Variants in DGCR2 observed in about 807,000 individuals in gnomAD.
The protein encoded by DGCR2 is integral membrane protein DGCR2/IDD.
Under a neutral mutation model 51.6 loss-of-function variants are expected in DGCR2, and 24 were observed. The ratio of observed to expected loss-of-function variants is 0.47; its 90% CI spans 0.34 to 0.65. The LOEUF (loss-of-function observed/expected upper bound fraction) is 0.65, where lower values mean the gene tolerates loss of function less well. DGCR2 is among the 30% of genes least tolerant of loss of function. The probability of loss-of-function intolerance (pLI) is 0.01; values close to 1 mark genes in which losing one functional copy is unlikely to be tolerated. For missense variants in DGCR2, 765 were observed against 772.1 expected (o/e 0.99, Z 0.11); for synonymous variants, 340 against 315.4 (o/e 1.08, Z -0.82).
chr22:19,089,058 C>A (rs1246129852), intron 2 of DGCR2, among the ~76,000 whole-genome samples: 1 of 152,074 alleles, frequency 6.6e-6, no homozygotes, highest in African/African-American at 2.4e-5. Flanking sequence ...GCCAAGGTGC[C>A]ACCCCTCAGG....
At chr22:19,054,741 TAAAA>T (rs56262911) in intron 6 of DGCR2, among the ~76,000 whole-genome samples, 1,745 of 139,876 alleles carry the variant, frequency 0.012, 19 homozygotes, top group Non-Finnish European at 0.017. Flanking sequence ...TGCCCCACCT[TAAAA>T]AAAAAAAAAA....
At chr22:19,089,893 T>C (rs1474711043) in intron 1 of DGCR2, among the ~76,000 whole-genome samples, 1 of 152,234 alleles carries the variant, frequency 6.6e-6, no homozygotes, top group East Asian at 1.9e-4. Context: ...CATCTGTTTT[T>C]AAAATCAGGT....
rs138189232 is a variant in DGCR2 at position 19,047,963 on chromosome 22, G to A, written c.1006+477C>T. The A allele has an allele frequency of 6.9e-5, 13 of 188,020 alleles. No homozygotes were observed. The East Asian group carries it at 1.7e-3, about 25-fold the overall frequency. The allele number at this position is 188,020 out of a possible 1,614,324, so 11.6% of individuals were successfully genotyped here. Reference sequence around the variant, plus strand: ...TCCCAGCACTTTGGGAAGCTGAGGTGGGTGGATCACTCGAGGCCAGGAGTT... The same window carrying A: ...TCCCAGCACTTTGGGAAGCTGAGGTAGGTGGATCACTCGAGGCCAGGAGTT... On this transcript the variant is annotated intron_variant, in intron 7 of 9. Transcript: ENST00000263196.
At chr22:19,100,664 T>TAAAA (rs34517547) in intron 1 of DGCR2, among the ~76,000 whole-genome samples, 3 of 144,760 alleles carry the variant, frequency 2.1e-5, no homozygotes, top group Non-Finnish European at 3.0e-5. Flanking sequence ...AGACTCCGTT[T>TAAAA]AAAAAAAAAA....
At chr22:19,104,265 T>C (rs2083238254) in intron 1 of DGCR2, among the ~76,000 whole-genome samples, 2 of 152,186 alleles carry the variant, frequency 1.3e-5, no homozygotes, top group South Asian at 4.1e-4. Context: ...TGCTTTGGGC[T>C]ATGCAACGCC....
rs752573341 is a variant in DGCR2 at position 19,041,277 on chromosome 22, C to G, written c.1177G>C (p.Gly393Arg). 1 of 1,613,940 alleles carries G rather than the reference C, an allele frequency of 6.2e-7. No individual in the cohort carries two copies. Among genetic ancestry groups the G allele is most frequent in the African/African-American group, 1.3e-5 (1 of 74,932 alleles). Residue 393 changes from glycine (G) to arginine (R), a missense_variant, in exon 9 of 10, where the codon GGC (glycine) becomes CGC (arginine). Gly to Arg is a moderately radical substitution (Grantham distance 125). This residue lies in a region of DGCR2 where 190 missense variants were observed against 265.2 expected (regional missense o/e 0.72). Coordinates refer to ENST00000263196, the MANE Select transcript of DGCR2 (RefSeq NM_005137.3). ...TAATCAAAGCCAGGGATCCTGCGGC[C>G]GAGGTTGAAGTGGTGCACTGGGCCA... ...IGANLHHFNL[G>R]RRIPGFDYGP...
At chr22:19,071,201 C>T (rs1438829916) in intron 2 of DGCR2, among the ~76,000 whole-genome samples, 1 of 152,192 alleles carries the variant, frequency 6.6e-6, no homozygotes, top group Non-Finnish European at 1.5e-5. Context: ...CTGTGCAGCT[C>T]GGAGCACATG....
intron 1 of DGCR2, among the ~76,000 whole-genome samples, chr22:19,097,240 T>C (rs1030967312): frequency 1.3e-5 from 2 of 152,008 alleles, no homozygotes; most frequent in Admixed American, 6.6e-5. Flanking sequence ...TAAACCTATA[T>C]ATATATATAC....
chr22:19,059,890 G>A (rs113450749), intron 5 of DGCR2, among the ~76,000 whole-genome samples: 5,588 of 152,036 alleles, frequency 0.037, 302 homozygotes, highest in African/African-American at 0.13. Context: ...AACCCTCCCC[G>A]GCCCCCGAGT....
At chr22:19,118,424 G>C (rs1265888277) in intron 1 of DGCR2, among the ~76,000 whole-genome samples, 1 of 150,312 alleles carries the variant, frequency 6.7e-6, no homozygotes, top group African/African-American at 2.5e-5. Context: ...GAGCCAAGGT[G>C]CTGTGTTCAC....
At chr22:19,086,954 A>G (rs748237279) in intron 2 of DGCR2, among the ~76,000 whole-genome samples, 1 of 152,250 alleles carries the variant, frequency 6.6e-6, no homozygotes, top group African/African-American at 2.4e-5. Context: ...GACAGTTATT[A>G]CAAACAACTA....
At chr22:19,039,923 G>A (rs546482507) in intron 9 of DGCR2, among the ~76,000 whole-genome samples, 3 of 152,180 alleles carry the variant, frequency 2.0e-5, no homozygotes, top group African/African-American at 4.8e-5. Context: ...GGCTGGTCTC[G>A]AACCAACCTG....
At chr22:19,062,556 G>GGGGCA (rs1163486215) in intron 5 of DGCR2, among the ~76,000 whole-genome samples, 1 of 152,156 alleles carries the variant, frequency 6.6e-6, no homozygotes, top group African/African-American at 2.4e-5. Flanking sequence ...AGACAGGGAA[G>GGGGCA]GGGCAGGGCA....
intron 2 of DGCR2, among the ~76,000 whole-genome samples, chr22:19,088,640 G>C (rs566305984): frequency 1.3e-5 from 2 of 152,270 alleles, no homozygotes; most frequent in South Asian, 2.1e-4. Flanking sequence ...CCCCTTAGTG[G>C]CTTTATCAGC....
At chr22:19,052,773 C>CA (rs1364063226) in intron 6 of DGCR2, among the ~76,000 whole-genome samples, 3 of 146,102 alleles carry the variant, frequency 2.1e-5, no homozygotes, top group Non-Finnish European at 4.5e-5. Flanking sequence ...ACCTTGTCGC[C>CA]AAAAAGAAAA....
At chr22:19,095,945 C>T (rs1421679242) in intron 1 of DGCR2, among the ~76,000 whole-genome samples, 1 of 152,102 alleles carries the variant, frequency 6.6e-6, no homozygotes, top group Non-Finnish European at 1.5e-5. Context: ...AGATCTCACC[C>T]CCGCCATCCA....
chr22:19,055,642 AG>A (rs1400997048), intron 6 of DGCR2, among the ~76,000 whole-genome samples: 1 of 152,334 alleles, frequency 6.6e-6, no homozygotes, highest in African/African-American at 2.4e-5. Context: ...GAACCAATAA[AG>A]GAGTTTAGAA....
At chr22:19,110,947 T>A (rs1276435660) in intron 1 of DGCR2, among the ~76,000 whole-genome samples, 5 of 152,264 alleles carry the variant, frequency 3.3e-5, no homozygotes. Flanking sequence ...TTAACTTTTT[T>A]GTGGGTTCTA....
intron 6 of DGCR2, among the ~76,000 whole-genome samples, chr22:19,052,975 AC>A (rs1334199511): frequency 6.6e-6 from 1 of 152,206 alleles, no homozygotes; most frequent in African/African-American, 2.4e-5. Context: ...TTCTGTAGCA[AC>A]CAGTCTAGGG....
Sources: gnomAD v4.1 joint callset for allele counts (sites outside exome capture counted in the v4.1 genomes callset) on GRCh38, gnomAD v4.1.1 for gene constraint, gnomAD v4.1.1 regional missense constraint, MANE v1.5 for transcripts, NCBI Gene and HGNC (gene_info 2026-07-23, HGNC 2026-07-21) for gene names.